The following MCM2 variants were observed in gnomAD, a reference collection of about 807,000 sequenced individuals.
MCM2 encodes the protein minichromosome maintenance complex component 2.
In MCM2, 49 loss-of-function variants were observed where a neutral mutation model predicts 86.4. That is an observed-to-expected ratio of 0.57 (90% CI 0.45 to 0.72). The LOEUF (loss-of-function observed/expected upper bound fraction) is 0.72, where lower values mean the gene tolerates loss of function less well. MCM2 is among the 30% of genes least tolerant of loss of function. The pLI is 0.00. For missense variants in MCM2, 1,038 were observed against 1,259.9 expected, an observed-to-expected ratio of 0.82 and a Z score of 2.67; for synonymous variants, 475 against 484.6, an observed-to-expected ratio of 0.98 and a Z score of 0.26.
chr3:127,615,817 G>C (rs552665524), intron 8 of MCM2, 45 bp from the exon 9 acceptor site: 2 of 1,422,602 alleles, frequency 1.4e-6, no homozygotes, highest in South Asian at 2.3e-5. Flanking sequence ...GACCTACTCT[G>C]TGAGTATCTG....
At chr3:127,614,472 C>A (rs960612011) in intron 8 of MCM2, among the ~76,000 whole-genome samples, 1 of 152,122 alleles carries the variant, frequency 6.6e-6, no homozygotes, top group African/African-American at 2.4e-5. Context: ...ATCTTTAGAT[C>A]TTTTCTCCAT....
intron 8 of MCM2, among the ~76,000 whole-genome samples, chr3:127,612,223 G>A (rs1428101472): frequency 6.6e-6 from 1 of 152,186 alleles, no homozygotes; most frequent in African/African-American, 2.4e-5. Flanking sequence ...CAGTTTCATG[G>A]CCCTGCCTGC....
chr3:127,603,320 T>TTTTGTTTG (rs968445399), intron 2 of MCM2, among the ~76,000 whole-genome samples: 30 of 151,530 alleles, frequency 2.0e-4, no homozygotes, highest in Non-Finnish European at 3.7e-4. Flanking sequence ...TCTTAACCTT[T>TTTTGTTTG]TTTGTTTGTT....
rs1342768969 is a variant in MCM2 at position 127,598,529 on chromosome 3, C to T, written c.6+57C>T. 5 of 1,597,174 alleles carry T rather than the reference C, an allele frequency of 3.1e-6. No homozygotes were observed. The Admixed American group carries it at 7.0e-5, about 22-fold the overall frequency. ...CGGGGACATGGGTGCGGAGGCTGCG[C>T]GCTTCCCGTACTCTGGCCCCGGCCC... On this transcript the variant is annotated intron_variant, in intron 1 of 15. Coordinates refer to ENST00000265056, the MANE Select transcript of MCM2 (RefSeq NM_004526.4).
intron 8 of MCM2, among the ~76,000 whole-genome samples, chr3:127,614,223 T>G (rs1408220309): frequency 6.6e-6 from 1 of 152,224 alleles, no homozygotes; most frequent in Non-Finnish European, 1.5e-5. Flanking sequence ...TGCCGTTTTT[T>G]TCTGTAACTA....
At chr3:127,600,432 T>A (rs1553741231) in intron 2 of MCM2, among the ~76,000 whole-genome samples, 4 of 152,216 alleles carry the variant, frequency 2.6e-5, no homozygotes, top group Non-Finnish European at 5.9e-5. Flanking sequence ...ATTGTGTGAA[T>A]GCCCAGGAGC....
chr3:127,598,444 G>T lies in MCM2; in HGVS notation c.-23G>T. 6.2e-7 allele frequency: 1 copy of T among 1,613,520 alleles called. No individual in the cohort carries two copies. The stretch of plus-strand genomic sequence containing the variant: ...GCGAAACCTGGTTGTTGCTGTAGTG[G>T]CGGAGAGGATCGTGGTACTGCTATG... On this transcript the variant is annotated 5_prime_UTR_variant, in exon 1 of 16. Transcript: ENST00000265056.
At chr3:127,608,547 C>T in intron 7 of MCM2, 31 bp downstream of exon 7, 1 of 1,612,506 alleles carries the variant, frequency 6.2e-7, no homozygotes, top group Non-Finnish European at 8.5e-7. Context: ...GGGAGGGAGC[C>T]AAGTTGCAGA....
At chr3:127,613,339 C>T (rs1354064267) in intron 8 of MCM2, among the ~76,000 whole-genome samples, 3 of 152,116 alleles carry the variant, frequency 2.0e-5, no homozygotes, top group African/African-American at 7.2e-5. Context: ...ATGAGAGGTC[C>T]GTGGAGTGGT....
intron 2 of MCM2, among the ~76,000 whole-genome samples, chr3:127,602,424 AAGG>A (rs2074312452): frequency 6.6e-6 from 1 of 152,190 alleles, no homozygotes; most frequent in African/African-American, 2.4e-5. Flanking sequence ...AACCTGAAAA[AAGG>A]AGAATTCAAG....
rs1559866728 is a variant in MCM2, at chr3:127,617,152, CA to C, written c.1773+35del. ...CTGGGTCACGGAGGCTGGTGGAACTCAGGGGGTGTGTGTGGGCTTGGGCCTT... is the reference window on the plus strand; with the variant it reads ...CTGGGTCACGGAGGCTGGTGGAACTCGGGGGTGTGTGTGGGCTTGGGCCTT... On this transcript the variant is annotated intron_variant, in intron 10 of 15. Coordinates refer to ENST00000265056, the MANE Select transcript of MCM2 (RefSeq NM_004526.4). This position sits in a 1 kb window ranked among gnomAD's most constrained non-coding sequence, Gnocchi z 4.1. The C allele has an allele frequency of 1.9e-6, 3 of 1,608,126 alleles. No homozygotes were observed. In the African/African-American group the frequency reaches 4.0e-5, roughly 22 times the overall value.
intron 1 of MCM2, among the ~76,000 whole-genome samples, 172 bp downstream of exon 1, chr3:127,598,644 A>G (rs1025506402): frequency 5.3e-5 from 8 of 151,944 alleles, no homozygotes; most frequent in Non-Finnish European, 1.0e-4. Context: ...TCGCCTACCT[A>G]CCACTGACCT....
At chr3:127,600,013 C>G (rs1020698866) in intron 2 of MCM2, among the ~76,000 whole-genome samples, 4 of 152,264 alleles carry the variant, frequency 2.6e-5, no homozygotes, top group Non-Finnish European at 5.9e-5. Flanking sequence ...CATGTGGTGG[C>G]TCACACCTGT....
In MCM2 at chr3:127,618,936, T is replaced by G. The variant is rs2107695850; in HGVS notation, c.2014-91T>G. On this transcript the variant is annotated intron_variant, in intron 12 of 15. Coordinates refer to ENST00000265056, the MANE Select transcript of MCM2 (RefSeq NM_004526.4). The surrounding 1 kb of genome is among the most constrained non-coding windows in gnomAD (Gnocchi z 4.0). Reference sequence around the variant, plus strand: ...AGTCTTGTTGAAAGAGTGTCACCCTTGTAGGGCACACTCAGCCCTTCTCCA... The same window carrying G: ...AGTCTTGTTGAAAGAGTGTCACCCTGGTAGGGCACACTCAGCCCTTCTCCA... 1 of 1,363,174 alleles carries G rather than the reference T, an allele frequency of 7.3e-7. No individual in the cohort carries two copies. The highest frequency in any genetic ancestry group is 9.8e-7 in the Non-Finnish European group (1 of 1,019,264). The allele number at this position is 1,363,174 out of a possible 1,614,324, so 84.4% of individuals were successfully genotyped here.
rs769225201 is a variant in MCM2 at position 127,619,146 on chromosome 3, C to T, written c.2133C>T (p.Gly711=). 25 of 1,614,012 alleles carry T rather than the reference C, an allele frequency of 1.5e-5. No individual in the cohort carries two copies. Among genetic ancestry groups the T allele is most frequent in the Non-Finnish European group, 1.9e-5 (23 of 1,180,044 alleles). Residue 711 remains glycine, a synonymous_variant, in exon 13 of 16, where the codon GGC becomes GGT. Coordinates refer to ENST00000265056, the MANE Select transcript of MCM2 (RefSeq NM_004526.4). ...AGCCCGCCATGCCCAACACGTATGG[C>T]GTGGAGCCCCTGCCCCAGGAGGTCC... is the stretch of plus-strand genomic sequence containing the variant. ...AAEPAMPNTY[G]VEPLPQEVLK... is the part of the protein sequence containing the mutation.
At chr3:127,619,977 C>T (rs17538732) in intron 13 of MCM2, among the ~76,000 whole-genome samples, 3,755 of 152,076 alleles carry the variant, frequency 0.025, 106 homozygotes, top group East Asian at 0.093. Context: ...CAGTGAAACC[C>T]TGTTTCAAAA....
intron 2 of MCM2, among the ~76,000 whole-genome samples, chr3:127,601,342 C>T (rs2074305212): frequency 6.6e-6 from 1 of 152,172 alleles, no homozygotes; most frequent in African/African-American, 2.4e-5. Flanking sequence ...TATGAACATT[C>T]ATTACAGGTC....
At chr3:127,608,787 A>T (rs1174279489) in intron 7 of MCM2, 45 bp from the exon 8 acceptor site, 1 of 1,592,132 alleles carries the variant, frequency 6.3e-7, no homozygotes, top group South Asian at 1.1e-5. Flanking sequence ...GGAGGTGGGC[A>T]CCCCTGGGTT....
At position 127,618,167 on chromosome 3, in the gene MCM2, G is replaced by T. The variant is rs2107695341; in HGVS notation, c.2013+86G>T. The T allele has an allele frequency of 9.7e-7, 1 of 1,032,508 alleles. No homozygotes were observed. Among genetic ancestry groups the T allele is most frequent in the Non-Finnish European group, 1.5e-6 (1 of 668,952 alleles). 64.0% of individuals were successfully genotyped at this position (1,032,508 alleles called of 1,614,324 possible). ...GGGGTCATACAGTGTGCCCAACACA[G>T]GGGACAGGTGCTGCAGGGGCCATAG... On this transcript the variant is annotated intron_variant, in intron 12 of 15. Coordinates refer to ENST00000265056, the MANE Select transcript of MCM2 (RefSeq NM_004526.4). This position sits in a 1 kb window ranked among gnomAD's most constrained non-coding sequence, Gnocchi z 4.0.
Sources: allele counts gnomAD v4.1 joint callset (sites outside exome capture counted in the v4.1 genomes callset), GRCh38; gene constraint gnomAD v4.1.1; non-coding constraint Gnocchi (gnomAD v3.1); transcripts MANE v1.5; gene names NCBI Gene and HGNC (gene_info 2026-07-23, HGNC 2026-07-21).